Variants in HAPLN2 observed in about 807,000 individuals in gnomAD.
The protein encoded by HAPLN2 is hyaluronan and proteoglycan link protein 2, also known as brain link protein-1.
In HAPLN2, 27 loss-of-function variants were observed where a neutral mutation model predicts 29.3. The observed-to-expected ratio is 0.92, with a 90% CI of 0.68 to 1.27. The LOEUF is 1.27. HAPLN2 is among the 50% of genes most tolerant of loss of function. The probability of loss-of-function intolerance (pLI) is 0.00; values close to 1 mark genes in which losing one functional copy is unlikely to be tolerated. For missense variants in HAPLN2, 454 were observed against 484.3 expected (o/e 0.94, Z 0.59); for synonymous variants, 208 against 211.7 (o/e 0.98, Z 0.15).
At chr1:156,617,827 T>C (rs1177497980), upstream of HAPLN2, among the ~76,000 whole-genome samples, 2 of 152,082 alleles carry the variant, frequency 1.3e-5, no homozygotes, top group Non-Finnish European at 2.9e-5. Context: ...TCTGCATTAA[T>C]AGAAAACAAA....
chr1:156,604,418 T>C, the HAPLN2 span, among the ~76,000 whole-genome samples: 2 of 151,846 alleles, frequency 1.3e-5, no homozygotes, highest in Non-Finnish European at 2.9e-5. Context: ...GCCACCTGAG[T>C]AGCTGGGACT....
chr1:156,624,547 T>C, intron 5 of HAPLN2, 54 bp from the exon 6 acceptor site: 1 of 1,603,100 alleles, frequency 6.2e-7, no homozygotes, highest in Non-Finnish European at 8.5e-7. Flanking sequence ...GCGAGCTCAG[T>C]CTGGCTCCTG....
chr1:156,615,839 G>A (rs1678043607), upstream of HAPLN2, among the ~76,000 whole-genome samples: 1 of 151,592 alleles, frequency 6.6e-6, no homozygotes, highest in African/African-American at 2.4e-5. Context: ...CAAAGTGCTG[G>A]GATTACAGGC....
intron 2 of HAPLN2, among the ~76,000 whole-genome samples, chr1:156,622,317 C>T (rs1240240546): frequency 6.6e-6 from 1 of 151,874 alleles, no homozygotes; most frequent in Non-Finnish European, 1.5e-5. Context: ...AGTGGGGTTT[C>T]ATGGTGTGCG....
chr1:156,608,726 A>G, the HAPLN2 span, among the ~76,000 whole-genome samples: 1 of 152,054 alleles, frequency 6.6e-6, no homozygotes, highest in African/African-American at 2.4e-5. Flanking sequence ...TGTTTTTAGT[A>G]GAGACGGGGT....
chr1:156,623,077 T>TAAATAAAA (rs1553235369), intron 2 of HAPLN2, among the ~76,000 whole-genome samples: 44 of 124,690 alleles, frequency 3.5e-4, no homozygotes, highest in East Asian at 1.0e-3. Context: ...AATAAATAAA[T>TAAATAAAA]AAAATAAAAA....
rs1308091353 is a variant in HAPLN2, at chr1:156,623,555, A to G, written c.65A>G (p.His22Arg). ...RFLLWAFTIF[H>R]KAQGDPASHP... The stretch of plus-strand genomic sequence containing the variant: ...CTTCTTTGGGCCTTCACCATCTTCC[A>G]CAAAGCCCAAGGAGACCCAGGTAAG... Residue 22 changes from histidine (H) to arginine (R), a missense_variant, in exon 3 of 7, where the codon CAC becomes CGC. By Grantham distance (29) the His-to-Arg change is conservative. Transcript: ENST00000255039. 2 of 1,613,952 alleles carry G rather than the reference A, an allele frequency of 1.2e-6. No homozygotes were observed. The highest frequency in any genetic ancestry group is 1.7e-5 in the Admixed American group (1 of 60,022).
chr1:156,619,087 G>A (rs1421407600), upstream of HAPLN2, among the ~76,000 whole-genome samples: 1 of 152,070 alleles, frequency 6.6e-6, no homozygotes, highest in Non-Finnish European at 1.5e-5. Context: ...CCTGGCCTCA[G>A]ACAAAATCTC....
chr1:156,616,316 C>A (rs1168108973), upstream of HAPLN2, among the ~76,000 whole-genome samples: 1 of 152,202 alleles, frequency 6.6e-6, no homozygotes, highest in Non-Finnish European at 1.5e-5. Flanking sequence ...TGGGGGGAAA[C>A]TGAGAATGAA....
At chr1:156,623,033 C>CAAAAAAAAAAAAAAATAAAAA in intron 2 of HAPLN2, among the ~76,000 whole-genome samples, 1 of 44,252 alleles carries the variant, frequency 2.3e-5, no homozygotes, top group East Asian at 7.6e-4. Flanking sequence ...CACTCTGTCT[C>CAAAAAAAAAAAAAAATAAAAA]AAAAAAATAA....
At chr1:156,616,782 T>A (rs1463004988), upstream of HAPLN2, among the ~76,000 whole-genome samples, 3 of 152,014 alleles carry the variant, frequency 2.0e-5, no homozygotes, top group Admixed American at 1.3e-4. Flanking sequence ...AGATAGTCAA[T>A]CAGATCTCTC....
Position 156,625,432 on chromosome 1 carries a change from T to C in HAPLN2, c.*48T>C. 1 of 1,509,142 alleles carries C rather than the reference T, an allele frequency of 6.6e-7. No homozygotes were observed. The highest frequency in any genetic ancestry group is 8.9e-7 in the Non-Finnish European group (1 of 1,125,178). The allele number at this position is 1,509,142 out of a possible 1,614,324, so 93.5% of individuals were successfully genotyped here. A position where few individuals can be genotyped will look rare whatever the true frequency, so the allele number is the denominator to read the frequency against. ...CGCGCGCGAAGAAGCTTGGGAGTCG[T>C]GGCGGGGGTCTCTCGCCACCCCTTT... On this transcript the variant is annotated 3_prime_UTR_variant, in exon 7 of 7. Coordinates refer to ENST00000255039, the MANE Select transcript of HAPLN2 (RefSeq NM_021817.3). This position sits in a 1 kb window ranked among gnomAD's most constrained non-coding sequence, Gnocchi z 5.7.
chr1:156,614,668 G>GA (rs976558147), upstream of HAPLN2: 7 of 152,176 alleles, frequency 4.6e-5, no homozygotes, highest in Non-Finnish European at 8.8e-5. Context: ...AGACTGGCCA[G>GA]AATCAGAAGA....
chr1:156,625,295 G>T lies in HAPLN2; in HGVS notation c.934G>T (p.Gly312Trp), dbSNP rs775376500. 21 of 1,580,150 alleles carry T rather than the reference G, an allele frequency of 1.3e-5. No homozygotes were observed. The highest frequency in any genetic ancestry group is 3.6e-5 in the Admixed American group (2 of 55,822). ...FPITTPRPRC[G>W]GLPDPGVRSF... ...AATCACCACGCCGAGGCCGCGCTGCGGGGGGCTCCCGGATCCCGGAGTGCG... is the reference window on the plus strand; with the variant it reads ...AATCACCACGCCGAGGCCGCGCTGCTGGGGGCTCCCGGATCCCGGAGTGCG... Residue 312 changes from glycine to tryptophan, a missense_variant, in exon 7 of 7, where the codon GGG becomes TGG. By Grantham distance (184) the Gly-to-Trp change is radical (BLOSUM62 -2). Around this residue, in one of 3 missense-constraint regions of HAPLN2, gnomAD observed 235 missense variants for 236.9 expected, o/e 0.99. Coordinates refer to ENST00000255039, the MANE Select transcript of HAPLN2 (RefSeq NM_021817.3). The surrounding 1 kb of genome is among the most constrained non-coding windows in gnomAD (Gnocchi z 5.7).
chr1:156,617,531 T>C (rs1374705285), upstream of HAPLN2, among the ~76,000 whole-genome samples: 1 of 151,892 alleles, frequency 6.6e-6, no homozygotes, highest in Non-Finnish European at 1.5e-5. Flanking sequence ...GTATTTTTAG[T>C]AGAGACAGAG....
At chr1:156,609,969 A>G in the HAPLN2 span, among the ~76,000 whole-genome samples, 1 of 152,130 alleles carries the variant, frequency 6.6e-6, no homozygotes, top group African/African-American at 2.4e-5. Flanking sequence ...TAATCCCAGC[A>G]CTTTGGGAGG....
In HAPLN2 at chr1:156,625,183, G is replaced by T. The variant is rs1261932904; in HGVS notation, c.822G>T (p.Lys274Asn). The change falls in exon 7 of 7, where the codon AAG becomes AAT. Residue 274 changes from lysine to asparagine, a missense_variant. By Grantham distance (94) the Lys-to-Asn change is moderately conservative. This residue lies in a region of HAPLN2 where 235 missense variants were observed against 236.9 expected (regional missense o/e 0.99). Coordinates refer to ENST00000255039, the MANE Select transcript of HAPLN2 (RefSeq NM_021817.3). The surrounding 1 kb of genome is among the most constrained non-coding windows in gnomAD (Gnocchi z 5.7). ...ACRRRGAVVAKVGHLYAAWKF... is the reference protein window; with the variant it reads ...ACRRRGAVVANVGHLYAAWKF... Reference sequence around the variant, plus strand: ...GGCGACGCGGCGCCGTGGTGGCCAAGGTTGGGCACCTCTACGCCGCCTGGA... The same window carrying T: ...GGCGACGCGGCGCCGTGGTGGCCAATGTTGGGCACCTCTACGCCGCCTGGA... 4 of 1,549,504 alleles carry T rather than the reference G, an allele frequency of 2.6e-6. No individual in the cohort carries two copies. The African/African-American group carries it at 5.5e-5, about 21-fold the overall frequency.
chr1:156,617,416 T>C (rs559936193), upstream of HAPLN2, among the ~76,000 whole-genome samples: 1 of 149,794 alleles, frequency 6.7e-6, no homozygotes, highest in African/African-American at 2.5e-5. Context: ...AGTGGCACGA[T>C]CTCAGCTCAC....
chr1:156,622,807 C>T (rs1678279371), intron 2 of HAPLN2, among the ~76,000 whole-genome samples: 1 of 151,872 alleles, frequency 6.6e-6, no homozygotes, highest in South Asian at 2.1e-4. Flanking sequence ...CACGGTGGCT[C>T]ACGCCTGCTG....
Sources: allele counts gnomAD v4.1 joint callset (sites outside exome capture counted in the v4.1 genomes callset), GRCh38; gene constraint gnomAD v4.1.1; regional missense constraint gnomAD v4.1.1; non-coding constraint Gnocchi (gnomAD v3.1); transcripts MANE v1.5; gene names NCBI Gene and HGNC (gene_info 2026-07-23, HGNC 2026-07-21).